Variants in PYY observed in about 807,000 individuals in gnomAD.
The protein encoded by PYY is peptide YY, also known as peptide tyrosine tyrosine.
Under a neutral mutation model 10.3 loss-of-function variants are expected in PYY, and 12 were observed. The observed-to-expected ratio is 1.17, with a 90% CI of 0.75 to 1.89. The LOEUF (loss-of-function observed/expected upper bound fraction) is 1.89. PYY is among the 40% of genes most tolerant of loss of function. The pLI, the probability that PYY is intolerant of heterozygous loss-of-function variation, is 0.00. For missense variants in PYY, 141 were observed against 134.0 expected (o/e 1.05, Z -0.26); for synonymous variants, 66 against 62.0 (o/e 1.06, Z -0.30).
intron 1 of PYY, among the ~76,000 whole-genome samples, chr17:43,969,979 T>C (rs1220280286): frequency 2.0e-5 from 3 of 151,732 alleles, no homozygotes; most frequent in Non-Finnish European, 4.4e-5. Context: ...CCTGACCTCA[T>C]GATACATCTG....
At chr17:44,001,697 C>T (rs1313949204) in intron 1 of PYY, among the ~76,000 whole-genome samples, 1 of 152,176 alleles carries the variant, frequency 6.6e-6, no homozygotes, top group Non-Finnish European at 1.5e-5. Context: ...ATTTCCACCT[C>T]ATAGGCTCAG....
chr17:43,953,358 C>G lies in PYY; in HGVS notation c.126G>C (p.Pro42=). 3 of 1,612,340 alleles carry G rather than the reference C, an allele frequency of 1.9e-6. No individual in the cohort carries two copies. Among genetic ancestry groups the G allele is most frequent in the Non-Finnish European group, 1.7e-6 (2 of 1,179,338 alleles). The part of the protein sequence containing the change: ...KPEAPREDAS[P]EELNRYYASL... ...AGGCGTAGTAGCGGTTCAGCTCCTCCGGCGAGGCGTCTTCGCGGGGAGCCT... is the reference window on the plus strand; with the variant it reads ...AGGCGTAGTAGCGGTTCAGCTCCTCGGGCGAGGCGTCTTCGCGGGGAGCCT... Residue 42 remains proline, a synonymous_variant, in exon 2 of 4, where the codon CCG becomes CCC. Coordinates refer to ENST00000692052, the MANE Select transcript of PYY (RefSeq NM_001394028.1).
chr17:43,988,692 A>G (rs2048930435), intron 1 of PYY, among the ~76,000 whole-genome samples: 1 of 152,136 alleles, frequency 6.6e-6, no homozygotes, highest in African/African-American at 2.4e-5. Context: ...GTAGAACTCA[A>G]TAACATCTTT....
chr17:43,956,397 C>A (rs192237834), upstream of PYY, among the ~76,000 whole-genome samples: 338 of 150,808 alleles, frequency 2.2e-3, no homozygotes, highest in African/African-American at 7.8e-3. Flanking sequence ...ATGTCTCAGC[C>A]CTCGATCAAT....
intron 1 of PYY, among the ~76,000 whole-genome samples, chr17:43,976,718 G>T (rs766590884): frequency 1.3e-5 from 2 of 152,134 alleles, no homozygotes; most frequent in Non-Finnish European, 2.9e-5. Flanking sequence ...TTTGCAGTGA[G>T]CCAAGATCAC....
chr17:43,978,026 C>T (rs1454084052), intron 1 of PYY, among the ~76,000 whole-genome samples: 1 of 150,740 alleles, frequency 6.6e-6, no homozygotes, highest in Non-Finnish European at 1.5e-5. Flanking sequence ...AGGGGGAGGC[C>T]CGTTTCTACA....
chr17:44,003,332 A>G (rs1022913150), intron 1 of PYY, among the ~76,000 whole-genome samples: 3 of 152,194 alleles, frequency 2.0e-5, no homozygotes, highest in African/African-American at 7.2e-5. Context: ...GCCTAGTTAC[A>G]GACCTAACAT....
chr17:43,961,792 G>A (rs1056034580), intron 2 of PYY, among the ~76,000 whole-genome samples: 19 of 152,036 alleles, frequency 1.2e-4, no homozygotes, highest in Admixed American at 1.1e-3. Context: ...CCAAAGTGCT[G>A]AGATTATAGG....
chr17:43,966,295 T>G (rs2048755623), exon 2 of PYY: 1 of 153,264 alleles, frequency 6.5e-6, no homozygotes, highest in African/African-American at 2.4e-5. Flanking sequence ...CACCCTTATC[T>G]TAGCTTGTTA....
chr17:43,959,370 C>A (rs2048696362), intron 2 of PYY, among the ~76,000 whole-genome samples: 1 of 152,156 alleles, frequency 6.6e-6, no homozygotes, highest in South Asian at 2.1e-4. Context: ...GCTTAAATAA[C>A]AACCAAAGAA....
At chr17:43,955,625 C>T (rs970617564), upstream of PYY, among the ~76,000 whole-genome samples, 8 of 152,040 alleles carry the variant, frequency 5.3e-5, no homozygotes, top group Non-Finnish European at 1.2e-4. Flanking sequence ...GAGCCCTCAT[C>T]CAGGGGGCAA....
At chr17:43,955,027 C>A (rs1031553372), upstream of PYY, among the ~76,000 whole-genome samples, 1 of 152,204 alleles carries the variant, frequency 6.6e-6, no homozygotes, top group Non-Finnish European at 1.5e-5. Context: ...AGGAAGAGGA[C>A]CTCTCAATTG....
In PYY at chr17:43,952,955, C is replaced by T. The variant is rs764063447; in HGVS notation, c.*1G>A. On this transcript the variant is annotated 3_prime_UTR_variant, in exon 4 of 4. Transcript: ENST00000692052. ...GATCTCCCAGGAGGCCTCAGGGGTC[C>T]TCACCACAGGTCTGGGCCCTCCGAC... is the stretch of plus-strand genomic sequence containing the variant. The T allele has an allele frequency of 5.8e-6, 9 of 1,548,720 alleles. No homozygotes were observed. Among genetic ancestry groups the T allele is most frequent in the South Asian group, 2.5e-5 (2 of 81,170 alleles).
At chr17:43,990,802 T>G (rs2048951864) in intron 1 of PYY, among the ~76,000 whole-genome samples, 2 of 150,448 alleles carry the variant, frequency 1.3e-5, no homozygotes, top group Admixed American at 6.6e-5. Flanking sequence ...TTGTTTTTTT[T>G]TTTTTTTTTT....
At chr17:44,003,782 C>T (rs1157713716) in intron 1 of PYY, among the ~76,000 whole-genome samples, 2 of 151,176 alleles carry the variant, frequency 1.3e-5, no homozygotes, top group African/African-American at 4.9e-5. Flanking sequence ...CAGGAGTTCA[C>T]GAACAGTCTG....
intron 1 of PYY, among the ~76,000 whole-genome samples, chr17:43,989,096 T>A (rs72628312): frequency 6.7e-6 from 1 of 149,378 alleles, no homozygotes; most frequent in Non-Finnish European, 1.5e-5. Flanking sequence ...CATAACAGGC[T>A]GGGCGCGGTG....
intron 2 of PYY, among the ~76,000 whole-genome samples, chr17:43,963,519 AAAAG>A (rs1385800773): frequency 5.4e-5 from 8 of 148,966 alleles, no homozygotes; most frequent in South Asian, 2.1e-4. Context: ...AAAAAAAAAA[AAAAG>A]AAAGAAAGAA....
At chr17:43,965,849 C>G (rs2048752794) in intron 2 of PYY, among the ~76,000 whole-genome samples, 1 of 127,476 alleles carries the variant, frequency 7.8e-6, no homozygotes, top group Non-Finnish European at 1.6e-5. Context: ...ATATTTTTTT[C>G]TAGCCATTGT....
intron 1 of PYY, among the ~76,000 whole-genome samples, chr17:43,996,461 T>C (rs1385093292): frequency 1.3e-5 from 2 of 152,020 alleles, no homozygotes; most frequent in Non-Finnish European, 2.9e-5. Flanking sequence ...GCCATGGGGT[T>C]TTGGGGTAAT....
Sources: gnomAD v4.1 joint callset for allele counts (sites outside exome capture counted in the v4.1 genomes callset) on GRCh38, gnomAD v4.1.1 for gene constraint, MANE v1.5 for transcripts, NCBI Gene and HGNC (gene_info 2026-07-23, HGNC 2026-07-21) for gene names.